Variants in ROCK2 observed in about 807,000 individuals in gnomAD.
ROCK2 encodes Rho associated coiled-coil containing protein kinase 2, also known as rho-associated protein kinase 2.
ROCK2 carries 61 observed loss-of-function variants against 195.1 expected under a neutral mutation model. The ratio of observed to expected loss-of-function variants is 0.31; its 90% confidence interval spans 0.25 to 0.39. The LOEUF is 0.39. ROCK2 is among the 10% of genes least tolerant of loss of function. The pLI, the probability that ROCK2 is intolerant of heterozygous loss-of-function variation, is 1.00. For missense variants in ROCK2, 1,109 were observed against 1,637.4 expected, an observed-to-expected ratio of 0.68 and a Z score of 5.57; for synonymous variants, 504 against 545.5, an observed-to-expected ratio of 0.92 and a Z score of 1.06.
Position 11,273,928 on chromosome 2 carries a change from C to CAA in ROCK2, c.324+12609_324+12610dup, listed in dbSNP as rs34951428. On this transcript the variant is annotated intron_variant, in intron 3 of 32. Coordinates refer to ENST00000315872, the MANE Select transcript of ROCK2 (RefSeq NM_004850.5). ...TGGGTGACAGAGCAAGACTCCATCT[C>CAA]AAAAAAAAAAAAAAAGACTTCGATA... 3.0e-3 allele frequency among the ~76,000 whole-genome samples: 326 copies of CAA among 107,908 alleles called. 1 individual carries two copies. Among genetic ancestry groups the CAA allele is most frequent in the African/African-American group, 4.7e-3 (116 of 24,670 alleles). The allele number at this position is 107,908 out of a possible 152,430, so 70.8% of individuals were successfully genotyped here. A position where few individuals can be genotyped will look rare whatever the true frequency, so the allele number is the denominator to read the frequency against.
At chr2:11,185,586 G>A (rs1024621934) in intron 32 of ROCK2, among the ~76,000 whole-genome samples, 41 of 152,110 alleles carry the variant, frequency 2.7e-4, no homozygotes, top group Middle Eastern at 6.8e-3. Flanking sequence ...AAAATTAGCT[G>A]GGCATGGTGG....
At chr2:11,205,803 G>A (rs1664029311) in intron 20 of ROCK2, among the ~76,000 whole-genome samples, 1 of 152,140 alleles carries the variant, frequency 6.6e-6, no homozygotes. Context: ...TGTAGTATAT[G>A]TAAAACCTTA....
chr2:11,200,999 T>C lies in ROCK2; in HGVS notation c.2868A>G (p.Arg956=). 2 of 1,609,756 alleles carry C rather than the reference T, an allele frequency of 1.2e-6. No homozygotes were observed. Among genetic ancestry groups the C allele is most frequent in the Non-Finnish European group, 1.7e-6 (2 of 1,178,860 alleles). Residue 956 remains arginine, a synonymous_variant, in exon 23 of 33, where the codon AGA becomes AGG. Transcript: ENST00000315872. ...CTTTTTCCGTAAGTTCCTGTTTGTG[T>C]CTAGCCATCATCTCTTTGATCTCCA... The part of the protein sequence containing the change: ...KELEIKEMMA[R]HKQELTEKDA...
chr2:11,342,224 A>C (rs1157831285), intron 1 of ROCK2, among the ~76,000 whole-genome samples: 1 of 152,202 alleles, frequency 6.6e-6, no homozygotes, highest in Non-Finnish European at 1.5e-5. Flanking sequence ...AGAGTCTGTC[A>C]AGTCATCAGC....
At position 11,182,183 on chromosome 2, in the gene ROCK2, C is replaced by T. The variant is rs1282040511; in HGVS notation, c.*1254G>A. The T allele has an allele frequency of 6.6e-6, 1 of 152,142 alleles. No individual in the cohort carries two copies. Among genetic ancestry groups the T allele is most frequent in the Non-Finnish European group, 1.5e-5 (1 of 68,024 alleles). The allele number at this position is 152,142 out of a possible 1,614,324, so 9.4% of individuals were successfully genotyped here. A position where few individuals can be genotyped will look rare whatever the true frequency, so the allele number is the denominator to read the frequency against. On this transcript the variant is annotated 3_prime_UTR_variant, in exon 33 of 33. Coordinates refer to ENST00000315872, the MANE Select transcript of ROCK2 (RefSeq NM_004850.5). ...AAATTAAGTGCCTTTGAGGCCACTT[C>T]TTCCCAGTTGCCAGTTTTCTTAACC... is the stretch of plus-strand genomic sequence containing the variant.
chr2:11,260,737 T>C (rs1010672457), intron 3 of ROCK2, among the ~76,000 whole-genome samples: 2 of 152,196 alleles, frequency 1.3e-5, no homozygotes, highest in African/African-American at 4.8e-5. Context: ...GTTAAATATT[T>C]AAACTAGCAT....
chr2:11,246,178 C>G (rs757861268), intron 4 of ROCK2, among the ~76,000 whole-genome samples: 6 of 152,110 alleles, frequency 3.9e-5, no homozygotes, highest in Admixed American at 1.3e-4. Flanking sequence ...TAGTCCTATA[C>G]CGTCCCCTTC....
rs1305278919 is a variant in ROCK2, at chr2:11,197,478, A to G, written c.3279+48T>C. 3 of 1,564,152 alleles carry G rather than the reference A, an allele frequency of 1.9e-6. No individual in the cohort carries two copies. Among genetic ancestry groups the G allele is most frequent in the Non-Finnish European group, 2.6e-6 (3 of 1,151,318 alleles). ...AAAACACAGACATGAAAATAATTCT[A>G]CTTCTTAAAAAGAAGTCTTCAGTCT... On this transcript the variant is annotated intron_variant, in intron 26 of 32. Coordinates refer to ENST00000315872, the MANE Select transcript of ROCK2 (RefSeq NM_004850.5). The surrounding 1 kb of genome is among the most constrained non-coding windows in gnomAD (Gnocchi z 4.9).
At chr2:11,258,767 T>C (rs1200988826) in intron 3 of ROCK2, among the ~76,000 whole-genome samples, 2 of 150,920 alleles carry the variant, frequency 1.3e-5, no homozygotes, top group Non-Finnish European at 2.9e-5. Context: ...GGAGCTGTGA[T>C]AGGATGGGAG....
chr2:11,210,172 T>G (rs1030802546), intron 18 of ROCK2, among the ~76,000 whole-genome samples: 1 of 152,064 alleles, frequency 6.6e-6, no homozygotes, highest in African/African-American at 2.4e-5. Flanking sequence ...TTTAATAGTT[T>G]GAAAAAAATG....
At chr2:11,195,450 C>T (rs1017930933) in intron 27 of ROCK2, among the ~76,000 whole-genome samples, 2 of 151,960 alleles carry the variant, frequency 1.3e-5, no homozygotes, top group Admixed American at 6.6e-5. Flanking sequence ...TAAATAATTA[C>T]GTGTTCAGAG....
Position 11,192,358 on chromosome 2 carries a change from T to C in ROCK2, c.3953A>G (p.Tyr1318Cys), listed in dbSNP as rs773775703. ...ATTCTTTGCCGTTGAAATATCATAA[T>C]ATACTATAAAGAAAAATTAGAAAAA... ...KEEIIAPCKV[Y>C]YDISTAKNLL... is the part of the protein sequence containing the mutation. Residue 1318 changes from tyrosine to cysteine, a missense_variant, in exon 32 of 33, where the codon TAT becomes TGT. Physicochemically the swap from Tyr to Cys is radical, Grantham distance 194. Coordinates refer to ENST00000315872, the MANE Select transcript of ROCK2 (RefSeq NM_004850.5). The surrounding 1 kb of genome is among the most constrained non-coding windows in gnomAD (Gnocchi z 5.0). 8.7e-6 allele frequency: 14 copies of C among 1,601,408 alleles called. No homozygotes were observed. The highest frequency in any genetic ancestry group is 1.2e-5 in the Non-Finnish European group (14 of 1,175,066).
intron 1 of ROCK2, chr2:11,308,981 A>G (rs1236654106): frequency 6.2e-7 from 1 of 1,606,164 alleles, no homozygotes; most frequent in Non-Finnish European, 8.5e-7. Flanking sequence ...GAATTTTACC[A>G]CTCAGTAGAA....
intron 18 of ROCK2, among the ~76,000 whole-genome samples, chr2:11,209,919 A>G (rs1664190254): frequency 6.6e-6 from 1 of 152,242 alleles, no homozygotes; most frequent in African/African-American, 2.4e-5. Context: ...TGATTTTCAC[A>G]ACAACGTAAC....
At chr2:11,338,382 C>T (rs1668997509) in intron 1 of ROCK2, among the ~76,000 whole-genome samples, 1 of 152,060 alleles carries the variant, frequency 6.6e-6, no homozygotes, top group South Asian at 2.1e-4. Context: ...ATATATAATA[C>T]ACTCAGCACT....
At chr2:11,278,239 G>A (rs1666891804) in intron 3 of ROCK2, among the ~76,000 whole-genome samples, 1 of 152,082 alleles carries the variant, frequency 6.6e-6, no homozygotes, top group Non-Finnish European at 1.5e-5. Flanking sequence ...CCTAGCTGCT[G>A]GTAACCACCA....
chr2:11,331,962 T>G (rs1352473317), intron 1 of ROCK2, among the ~76,000 whole-genome samples: 1 of 151,788 alleles, frequency 6.6e-6, no homozygotes, highest in African/African-American at 2.4e-5. Flanking sequence ...ACCCAACTAG[T>G]AGACTCCACT....
rs1335111440 is a variant in ROCK2 at position 11,179,915 on chromosome 2, T to C, written c.*3522A>G. On this transcript the variant is annotated 3_prime_UTR_variant, in exon 33 of 33. Transcript: ENST00000315872. Reference sequence around the variant, plus strand: ...GGACAGCTGATCAAATATTTATAATTTTCTAAACCATGCAGTTCATTACTT... The same window carrying C: ...GGACAGCTGATCAAATATTTATAATCTTCTAAACCATGCAGTTCATTACTT... 1.3e-5 allele frequency: 2 copies of C among 152,192 alleles called. No individual in the cohort carries two copies. The highest frequency in any genetic ancestry group is 1.3e-4 in the Admixed American group (2 of 15,282). 9.4% of individuals were successfully genotyped at this position (152,192 alleles called of 1,614,324 possible). A position where few individuals can be genotyped will look rare whatever the true frequency, so the allele number is the denominator to read the frequency against.
intron 1 of ROCK2, among the ~76,000 whole-genome samples, chr2:11,296,005 G>GGGGGAGAGA (rs766082679): frequency 2.9e-4 from 3 of 10,334 alleles, no homozygotes; most frequent in African/African-American, 6.1e-4. Flanking sequence ...GAGAGAGAGA[G>GGGGGAGAGA]GAGAGAGAGA....
Sources: allele counts gnomAD v4.1 joint callset (sites outside exome capture counted in the v4.1 genomes callset), GRCh38; gene constraint gnomAD v4.1.1; non-coding constraint Gnocchi (gnomAD v3.1); transcripts MANE v1.5; gene names NCBI Gene and HGNC (gene_info 2026-07-23, HGNC 2026-07-21).